CCAR1: variants seen among roughly 807,000 people sequenced by gnomAD.
CCAR1 encodes cell division cycle and apoptosis regulator protein 1.
CCAR1 carries 78 observed loss-of-function variants against 163.8 expected under a neutral mutation model. The observed-to-expected ratio is 0.48, with a 90% CI of 0.40 to 0.57. The LOEUF is 0.57. CCAR1 is among the 20% of genes least tolerant of loss of function. CCAR1 has a pLI of 0.00. For missense variants in CCAR1, 1,019 were observed against 1,365.2 expected, an observed-to-expected ratio of 0.75 and a Z score of 4.00; for synonymous variants, 443 against 460.7, an observed-to-expected ratio of 0.96 and a Z score of 0.49.
intron 17 of CCAR1, among the ~76,000 whole-genome samples, chr10:68,769,965 A>G (rs977284719): frequency 1.3e-5 from 2 of 150,160 alleles, no homozygotes; most frequent in African/African-American, 4.9e-5. Context: ...AAAAAAAATT[A>G]TATAGTTTTA....
chr10:68,777,960 C>T (rs1207839383), intron 19 of CCAR1, among the ~76,000 whole-genome samples: 5 of 152,100 alleles, frequency 3.3e-5, no homozygotes, highest in African/African-American at 4.8e-5. Context: ...GTGGCTCATG[C>T]CTGTAATCCC....
Position 68,747,505 on chromosome 10 carries a change from T to A in CCAR1, c.765T>A (p.Ala255=), listed in dbSNP as rs373840226. ...TGCTGCAGGCACAGATTTCAGCAGC[T>A]TCTATTACACCACTATTGCAGACTC... is the stretch of plus-strand genomic sequence containing the variant. ...QSLLQAQISA[A]SITPLLQTQP... Residue 255 remains alanine, a synonymous_variant, in exon 8 of 25, where the codon GCT becomes GCA. Coordinates refer to ENST00000265872, the MANE Select transcript of CCAR1 (RefSeq NM_018237.4). 4.0e-5 allele frequency: 65 copies of A among 1,614,058 alleles called. No individual in the cohort carries two copies. Among genetic ancestry groups the A allele is most frequent in the Non-Finnish European group, 5.2e-5 (61 of 1,180,034 alleles).
intron 6 of CCAR1, among the ~76,000 whole-genome samples, chr10:68,746,687 C>G (rs1028999332): frequency 6.6e-6 from 1 of 152,088 alleles, no homozygotes; most frequent in Admixed American, 6.6e-5. Flanking sequence ...AAGCAATTCT[C>G]CTGCCTCAGC....
chr10:68,749,417 C>A, intron 9 of CCAR1, 107 bp from the exon 10 acceptor site: 1 of 1,254,428 alleles, frequency 8.0e-7, no homozygotes, highest in Non-Finnish European at 1.1e-6. Context: ...AAAAGTTAAA[C>A]AAATATACTG....
chr10:68,752,485 ATACT>A (rs1055520922), intron 10 of CCAR1, among the ~76,000 whole-genome samples: 32 of 152,214 alleles, frequency 2.1e-4, no homozygotes, highest in Non-Finnish European at 5.9e-5. Context: ...ACAATTATAC[ATACT>A]TGCTTTTTGT....
At chr10:68,746,617 C>T (rs1283091508) in intron 6 of CCAR1, among the ~76,000 whole-genome samples, 5 of 152,126 alleles carry the variant, frequency 3.3e-5, no homozygotes, top group Admixed American at 6.6e-5. Flanking sequence ...GACCGAGTCT[C>T]GTCTGTCACT....
At chr10:68,752,883 A>AATAGATAGATAGATAGATAG (rs36140870) in intron 10 of CCAR1, among the ~76,000 whole-genome samples, 2 of 142,294 alleles carry the variant, frequency 1.4e-5, no homozygotes, top group East Asian at 2.1e-4. Context: ...GATAGGATAG[A>AATAGATAGATAGATAGATAG]ATAGATAGAT....
At chr10:68,735,276 G>C (rs2056093544) in intron 2 of CCAR1, among the ~76,000 whole-genome samples, 1 of 152,020 alleles carries the variant, frequency 6.6e-6, no homozygotes, top group African/African-American at 2.4e-5. Context: ...TGAACCTGGG[G>C]AGGTCGAGGC....
At chr10:68,786,460 C>A in intron 20 of CCAR1, 86 bp from the exon 21 acceptor site, 2 of 923,512 alleles carry the variant, frequency 2.2e-6, no homozygotes, top group African/African-American at 1.7e-5. Context: ...TTATTGCTAT[C>A]TTATGCACAG....
chr10:68,774,088 C>T (rs2056634243), intron 19 of CCAR1, among the ~76,000 whole-genome samples: 1 of 152,022 alleles, frequency 6.6e-6, no homozygotes, highest in African/African-American at 2.4e-5. Context: ...GATGGAGTTT[C>T]TCCATGTTGG....
intron 4 of CCAR1, among the ~76,000 whole-genome samples, chr10:68,740,390 G>A (rs552232174): frequency 1.3e-5 from 2 of 152,212 alleles, no homozygotes; most frequent in South Asian, 4.2e-4. Context: ...AGATAACTGG[G>A]CTGGGTGCAG....
At chr10:68,747,838 GT>G (rs894189226) in intron 8 of CCAR1, among the ~76,000 whole-genome samples, 2 of 151,970 alleles carry the variant, frequency 1.3e-5, no homozygotes, top group Non-Finnish European at 2.9e-5. Context: ...TGGGTTTTAA[GT>G]TTTTTTGCAA....
At chr10:68,772,618 C>G (rs2056616976) in intron 18 of CCAR1, among the ~76,000 whole-genome samples, 1 of 151,866 alleles carries the variant, frequency 6.6e-6, no homozygotes, top group Non-Finnish European at 1.5e-5. Flanking sequence ...TTAAGCCAGG[C>G]ACAGTGGCTC....
intron 19 of CCAR1, among the ~76,000 whole-genome samples, chr10:68,773,442 A>G (rs918225519): frequency 6.6e-6 from 1 of 152,100 alleles, no homozygotes; most frequent in Non-Finnish European, 1.5e-5. Context: ...GCAGGTGATC[A>G]TTTGAGGTCA....
rs1202831964 is a variant in CCAR1, at chr10:68,721,265, A to G, written c.-68A>G. On this transcript the variant is annotated 5_prime_UTR_variant, in exon 1 of 25. Coordinates refer to ENST00000265872, the MANE Select transcript of CCAR1 (RefSeq NM_018237.4). ...ACGGGTTTGAAATGGCTTCGATGTT[A>G]GCCGGGACCCGACTCAGGTGAAGGT... 2 of 177,578 alleles carry G rather than the reference A, an allele frequency of 1.1e-5. No homozygotes were observed. The highest frequency in any genetic ancestry group is 6.5e-5 in the Admixed American group (1 of 15,454). 11.0% of individuals were successfully genotyped at this position (177,578 alleles called of 1,614,324 possible).
At chr10:68,745,706 C>T (rs2056244383) in intron 6 of CCAR1, among the ~76,000 whole-genome samples, 1 of 152,000 alleles carries the variant, frequency 6.6e-6, no homozygotes, top group African/African-American at 2.4e-5. Context: ...TCAGGTGATC[C>T]ACCTGCCTCA....
chr10:68,749,191 A>T lies in CCAR1; in HGVS notation c.882A>T (p.Arg294=). ...RIVSQPQPAR[R]LDPPSRFSGR... The stretch of plus-strand genomic sequence containing the variant: ...TTTCACAGCCACAACCGGCACGACG[A>T]TTAGATCCCCCATCCCGATTTTCAG... The change falls in exon 9 of 25, where the codon CGA becomes CGT. Residue 294 remains arginine (R), a synonymous_variant. Coordinates refer to ENST00000265872, the MANE Select transcript of CCAR1 (RefSeq NM_018237.4). 6.2e-7 allele frequency: 1 copy of T among 1,613,888 alleles called. No individual in the cohort carries two copies. The highest frequency in any genetic ancestry group is 8.5e-7 in the Non-Finnish European group (1 of 1,179,936).
chr10:68,748,997 T>A (rs2056296284), intron 8 of CCAR1, 139 bp from the exon 9 acceptor site: 5 of 946,858 alleles, frequency 5.3e-6, no homozygotes, highest in Non-Finnish European at 4.6e-6. Flanking sequence ...TCTTTAAAAA[T>A]ATATATAAAT....
At chr10:68,726,399 C>T (rs893615660) in intron 2 of CCAR1, among the ~76,000 whole-genome samples, 1 of 151,996 alleles carries the variant, frequency 6.6e-6, no homozygotes, top group Non-Finnish European at 1.5e-5. Context: ...GATCCGCCCA[C>T]CTCGGCCTCC....
Sources: gnomAD v4.1 joint callset for allele counts (sites outside exome capture counted in the v4.1 genomes callset) on GRCh38, gnomAD v4.1.1 for gene constraint, MANE v1.5 for transcripts, NCBI Gene and HGNC (gene_info 2026-07-23, HGNC 2026-07-21) for gene names.